KIRREL3: variants seen among roughly 807,000 people sequenced by gnomAD.
KIRREL3 encodes the protein kin of IRRE-like protein 3.
Under a neutral mutation model 89.7 loss-of-function variants are expected in KIRREL3, and 36 were observed. The observed-to-expected ratio is 0.40, with a 90% CI of 0.31 to 0.53. The LOEUF (loss-of-function observed/expected upper bound fraction) is 0.53. KIRREL3 is among the 20% of genes least tolerant of loss of function. The pLI, the probability that KIRREL3 is intolerant of heterozygous loss-of-function variation, is 0.49. For synonymous variants in KIRREL3, 445 were observed against 441.4 expected, an observed-to-expected ratio of 1.01 and a Z score of -0.10; for missense variants, 864 against 1,056.6, an observed-to-expected ratio of 0.82 and a Z score of 2.53.
At chr11:126,450,250 TGTGA>T (rs1955987051) in intron 7 of KIRREL3, among the ~76,000 whole-genome samples, 3 of 130,944 alleles carry the variant, frequency 2.3e-5, no homozygotes, top group Admixed American at 1.4e-4. Flanking sequence ...AATATGCATG[TGTGA>T]GTGTGCCTGT....
rs1431889524 is a variant in KIRREL3 at position 126,896,266 on chromosome 11, A to G, written c.55+104189T>C. Among the ~76,000 whole-genome samples, 1 of 152,234 alleles carries G rather than the reference A, an allele frequency of 6.6e-6. No individual in the cohort carries two copies. On this transcript the variant is annotated intron_variant, in intron 1 of 16. Transcript: ENST00000525144. The surrounding 1 kb of genome is among the most constrained non-coding windows in gnomAD (Gnocchi z 4.1). ...GTAGGATACCTAAGAAACTAACCCTATACCATCCAAGACAGAACTCTGCTA... is the reference window on the plus strand; with the variant it reads ...GTAGGATACCTAAGAAACTAACCCTGTACCATCCAAGACAGAACTCTGCTA...
At chr11:126,849,257 G>A (rs934154150) in intron 1 of KIRREL3, among the ~76,000 whole-genome samples, 5 of 124,728 alleles carry the variant, frequency 4.0e-5, no homozygotes, top group African/African-American at 1.6e-4. Context: ...GAATGCCACG[G>A]CAATGTCAGG....
chr11:126,700,757 T>C (rs990257315), intron 1 of KIRREL3, among the ~76,000 whole-genome samples: 9 of 152,042 alleles, frequency 5.9e-5, no homozygotes, highest in Admixed American at 2.0e-4. Context: ...CCTGTCATTC[T>C]CTCCCCACCC....
rs142800519 is a variant in KIRREL3, at chr11:126,611,892, C to T, written c.56-48980G>A. 2.0e-3 allele frequency among the ~76,000 whole-genome samples: 310 copies of T among 152,300 alleles called. 1 individual carries two copies. Among genetic ancestry groups the T allele is most frequent in the Non-Finnish European group, 3.5e-3 (235 of 68,024 alleles). ...GTGCTACTGTCGCTCTAGGACCTGC[C>T]GATGCCCTCTGTCCTTCTCTGGTGA... is the stretch of plus-strand genomic sequence containing the variant. On this transcript the variant is annotated intron_variant, in intron 1 of 16. Coordinates refer to ENST00000525144, the MANE Select transcript of KIRREL3 (RefSeq NM_032531.4). The surrounding 1 kb of genome is among the most constrained non-coding windows in gnomAD (Gnocchi z 4.7).
intron 1 of KIRREL3, among the ~76,000 whole-genome samples, chr11:126,825,516 T>G (rs1223989050): frequency 6.6e-6 from 1 of 152,182 alleles, no homozygotes; most frequent in Non-Finnish European, 1.5e-5. Context: ...AAATAACATT[T>G]TGAGATTTCT....
At chr11:126,799,652 G>A (rs979817744) in intron 1 of KIRREL3, among the ~76,000 whole-genome samples, 1 of 152,118 alleles carries the variant, frequency 6.6e-6, no homozygotes, top group African/African-American at 2.4e-5. Flanking sequence ...CCTTAGAGCA[G>A]GGAGCCAGGA....
Position 126,450,837 on chromosome 11 carries a change from G to A in KIRREL3, c.849-1680C>T, listed in dbSNP as rs377540390. Among the ~76,000 whole-genome samples, 73 of 149,952 alleles carry A rather than the reference G, an allele frequency of 4.9e-4. No homozygotes were observed. The East Asian group carries it at 8.3e-3, about 17-fold the overall frequency. On this transcript the variant is annotated intron_variant, in intron 7 of 16. Transcript: ENST00000525144. ...AGTGTGGGCATATGTGTGTATGCGT[G>A]TATAGATGTGTGAGCATGTGCACGT...
intron 1 of KIRREL3, among the ~76,000 whole-genome samples, chr11:126,593,260 C>T (rs1384954712): frequency 6.6e-6 from 1 of 152,236 alleles, no homozygotes; most frequent in Non-Finnish European, 1.5e-5. Context: ...TCACTGCTTG[C>T]GCGCTCAGCC....
At position 126,473,245 on chromosome 11, in the gene KIRREL3, G is replaced by GCCCCCCCCCCCC; in HGVS notation, c.591+63_591+64insGGGGGGGGGGGG. On this transcript the variant is annotated intron_variant, in intron 5 of 16. Coordinates refer to ENST00000525144, the MANE Select transcript of KIRREL3 (RefSeq NM_032531.4). Reference sequence around the variant, plus strand: ...TCCCCATCAACTCCCTGTCCACCTAGCCCCCTCCCCACCCACTCCCCTTGA... The same window carrying GCCCCCCCCCCCC: ...TCCCCATCAACTCCCTGTCCACCTAGCCCCCCCCCCCCCCCCCTCCCCACCCACTCCCCTTGA... The GCCCCCCCCCCCC allele has an allele frequency of 1.4e-5, 6 of 420,430 alleles. No individual in the cohort carries two copies. In the Admixed American group the frequency reaches 2.5e-4, roughly 17 times the overall value. 26.0% of individuals were successfully genotyped at this position (420,430 alleles called of 1,614,324 possible).
At chr11:126,822,668 C>G (rs760940010) in intron 1 of KIRREL3, among the ~76,000 whole-genome samples, 1 of 152,150 alleles carries the variant, frequency 6.6e-6, no homozygotes, top group Non-Finnish European at 1.5e-5. Flanking sequence ...TTGAGTGGCT[C>G]TTCTGCTCCA....
rs758813680 is a variant in KIRREL3, at chr11:126,750,907, G to A, written c.56-187995C>T. On this transcript the variant is annotated intron_variant, in intron 1 of 16. Coordinates refer to ENST00000525144, the MANE Select transcript of KIRREL3 (RefSeq NM_032531.4). The surrounding 1 kb of genome is among the most constrained non-coding windows in gnomAD (Gnocchi z 4.2). ...TTTAGGGATGGCTTTGATTTGCAGGGCACCTCTCCCTAAGGTGCTAAACAC... is the reference window on the plus strand; with the variant it reads ...TTTAGGGATGGCTTTGATTTGCAGGACACCTCTCCCTAAGGTGCTAAACAC... Among the ~76,000 whole-genome samples, 4 of 152,104 alleles carry A rather than the reference G, an allele frequency of 2.6e-5. No homozygotes were observed. The highest frequency in any genetic ancestry group is 4.4e-5 in the Non-Finnish European group (3 of 68,038).
At position 126,877,757 on chromosome 11, in the gene KIRREL3, A is replaced by G. The variant is rs1945344085; in HGVS notation, c.55+122698T>C. 6.6e-6 allele frequency among the ~76,000 whole-genome samples: 1 copy of G among 152,236 alleles called. No individual in the cohort carries two copies. Among genetic ancestry groups the G allele is most frequent in the African/African-American group, 2.4e-5 (1 of 41,452 alleles). ...TCTGGGCACAGGATGGTGTATAAAA[A>G]TACAGGCATGACAGGAACAATGTAA... On this transcript the variant is annotated intron_variant, in intron 1 of 16. Transcript: ENST00000525144. This position sits in a 1 kb window ranked among gnomAD's most constrained non-coding sequence, Gnocchi z 4.9.
At chr11:126,670,512 C>A (rs1252773130) in intron 1 of KIRREL3, among the ~76,000 whole-genome samples, 4 of 152,150 alleles carry the variant, frequency 2.6e-5, no homozygotes, top group African/African-American at 9.7e-5. Flanking sequence ...AGAAATAAAA[C>A]TGTCTTTATT....
rs750057248 is a variant in KIRREL3, at chr11:126,905,866, C to T, written c.55+94589G>A. On this transcript the variant is annotated intron_variant, in intron 1 of 16. Coordinates refer to ENST00000525144, the MANE Select transcript of KIRREL3 (RefSeq NM_032531.4). The surrounding 1 kb of genome is among the most constrained non-coding windows in gnomAD (Gnocchi z 5.0). ...AGCACTTCAGGGGTTCCTTTGTCCG[C>T]ACCCAGCCATGCAAAATTCCTGGTG... Among the ~76,000 whole-genome samples the T allele has an allele frequency of 2.0e-5, 3 of 152,176 alleles. No homozygotes were observed. The highest frequency in any genetic ancestry group is 4.4e-5 in the Non-Finnish European group (3 of 68,050).
At chr11:126,504,492 T>C (rs1006545309) in intron 4 of KIRREL3, among the ~76,000 whole-genome samples, 1 of 152,138 alleles carries the variant, frequency 6.6e-6, no homozygotes, top group African/African-American at 2.4e-5. Flanking sequence ...AGAGGAAAAA[T>C]ATGAATTGAC....
chr11:126,781,008 C>T (rs1353061827), intron 1 of KIRREL3, among the ~76,000 whole-genome samples: 2 of 152,172 alleles, frequency 1.3e-5, no homozygotes, highest in Non-Finnish European at 2.9e-5. Flanking sequence ...AGCTCCCAGG[C>T]CTCTGGGCTG....
chr11:126,972,407 G>C (rs1264143040), intron 1 of KIRREL3, among the ~76,000 whole-genome samples: 1 of 152,078 alleles, frequency 6.6e-6, no homozygotes, highest in Non-Finnish European at 1.5e-5. Flanking sequence ...AGCTTTTCCA[G>C]CCTCCCTTGC....
chr11:126,588,013 G>A (rs1941950877), intron 1 of KIRREL3, among the ~76,000 whole-genome samples: 2 of 152,146 alleles, frequency 1.3e-5, no homozygotes, highest in Non-Finnish European at 2.9e-5. Flanking sequence ...GAAAGCATTG[G>A]GCCATGAGGT....
intron 2 of KIRREL3, among the ~76,000 whole-genome samples, chr11:126,552,838 C>T (rs971033460): frequency 2.0e-5 from 3 of 151,962 alleles, no homozygotes; most frequent in African/African-American, 7.3e-5. Context: ...GCTGGGATTA[C>T]AGGCGTGAGC....
Sources: allele counts gnomAD v4.1 joint callset (sites outside exome capture counted in the v4.1 genomes callset), GRCh38; gene constraint gnomAD v4.1.1; non-coding constraint Gnocchi (gnomAD v3.1); transcripts MANE v1.5; gene names NCBI Gene and HGNC (gene_info 2026-07-23, HGNC 2026-07-21).